The following TAFA1 variants were observed in gnomAD, a reference collection of about 807,000 sequenced individuals.
TAFA1 encodes the protein TAFA chemokine like family member 1, also known as chemokine-like protein TAFA-1.
Under a neutral mutation model 18.5 loss-of-function variants are expected in TAFA1, and 4 were observed. That is an observed-to-expected ratio of 0.22 (90% confidence interval 0.11 to 0.49). The LOEUF (loss-of-function observed/expected upper bound fraction) is 0.49. Among genes scored for constraint, TAFA1 ranks in the 20% least tolerant of loss-of-function variants. The probability of loss-of-function intolerance (pLI) is 0.98; values close to 1 mark genes in which losing one functional copy is unlikely to be tolerated. For missense variants in TAFA1, 147 were observed against 169.0 expected, an observed-to-expected ratio of 0.87 and a Z score of 0.72; for synonymous variants, 56 against 55.2, an observed-to-expected ratio of 1.01 and a Z score of -0.06.
intron 2 of TAFA1, among the ~76,000 whole-genome samples, chr3:68,415,533 G>A (rs982730589): frequency 2.0e-5 from 3 of 152,012 alleles, no homozygotes; most frequent in Non-Finnish European, 4.4e-5. Context: ...TATTCCAGAA[G>A]AAACCATATT....
At chr3:68,223,332 A>C (rs563036590) in intron 2 of TAFA1, among the ~76,000 whole-genome samples, 206 of 152,304 alleles carry the variant, frequency 1.4e-3, no homozygotes, top group South Asian at 3.1e-3. Flanking sequence ...ATAAATGAGC[A>C]CTTACTATGT....
chr3:68,392,619 C>T (rs559371246), intron 2 of TAFA1, among the ~76,000 whole-genome samples: 125 of 152,262 alleles, frequency 8.2e-4, no homozygotes, highest in African/African-American at 2.9e-3. Flanking sequence ...AAATAAAACA[C>T]TCCTCAGCAA....
intron 2 of TAFA1, among the ~76,000 whole-genome samples, chr3:68,275,941 T>C (rs1429157752): frequency 6.6e-6 from 1 of 152,164 alleles, no homozygotes; most frequent in Non-Finnish European, 1.5e-5. Flanking sequence ...GGTAAGTACC[T>C]GAGCATAGGG....
chr3:68,091,129 TA>T (rs1000685397), intron 2 of TAFA1, among the ~76,000 whole-genome samples: 1 of 152,134 alleles, frequency 6.6e-6, no homozygotes, highest in African/African-American at 2.4e-5. Context: ...ATTTACCCTA[TA>T]AAATGACAAT....
In TAFA1 at chr3:68,401,055, A is replaced by G. The variant is rs377751424; in HGVS notation, c.119-16225A>G. Among the ~76,000 whole-genome samples the G allele has an allele frequency of 2.2e-4, 33 of 152,336 alleles. No homozygotes were observed. In the Middle Eastern group the frequency reaches 0.01, roughly 47 times the overall value. On this transcript the variant is annotated intron_variant, in intron 2 of 4. Coordinates refer to ENST00000478136, the MANE Select transcript of TAFA1 (RefSeq NM_213609.4). Reference sequence around the variant, plus strand: ...GCTGGACACTTGGGATAAGCCGATCAGTGAAAGCAGGCGTGACCACCAACT... The same window carrying G: ...GCTGGACACTTGGGATAAGCCGATCGGTGAAAGCAGGCGTGACCACCAACT...
chr3:68,341,513 T>C (rs535940140), intron 2 of TAFA1, among the ~76,000 whole-genome samples: 2 of 152,188 alleles, frequency 1.3e-5, no homozygotes, highest in Non-Finnish European at 2.9e-5. Context: ...TCCTAAACCA[T>C]AATTTCTAAT....
chr3:68,169,245 C>T (rs554641131), intron 2 of TAFA1, among the ~76,000 whole-genome samples: 14 of 152,128 alleles, frequency 9.2e-5, no homozygotes, highest in African/African-American at 3.1e-4. Context: ...GGATCACTTG[C>T]TCTGGACGGT....
intron 2 of TAFA1, among the ~76,000 whole-genome samples, chr3:68,323,023 C>G (rs1352768266): frequency 6.6e-6 from 1 of 152,184 alleles, no homozygotes; most frequent in Admixed American, 6.5e-5. Context: ...AAAATCAGGA[C>G]CAGTTGTGGT....
chr3:68,538,812 G>C lies in TAFA1; in HGVS notation c.316G>C (p.Glu106Gln). The change falls in exon 4 of 5, where the codon GAA becomes CAA. Residue 106 changes from glutamate (E) to glutamine (Q), a missense_variant. Physicochemically the swap from Glu to Gln is conservative, Grantham distance 29. Transcript: ENST00000478136. ...GATGGAGCCTTGCCTAGAAGGAGAA[G>C]AATGTAAGACACTCCCTGACAATTC... ...CEMEPCLEGE[E>Q]CKTLPDNSGW... The C allele has an allele frequency of 6.2e-7, 1 of 1,613,652 alleles. No homozygotes were observed.
intron 1 of TAFA1, 86 bp from the exon 2 acceptor site, chr3:68,006,538 G>C: frequency 1.2e-6 from 1 of 841,804 alleles, no homozygotes; most frequent in Non-Finnish European, 2.1e-6. Context: ...CATGACGTCT[G>C]AGACCTCCCT....
chr3:68,022,973 T>G (rs1445779802), intron 2 of TAFA1, among the ~76,000 whole-genome samples: 3 of 149,752 alleles, frequency 2.0e-5, no homozygotes, highest in Admixed American at 2.0e-4. Context: ...CTTGTTTTTT[T>G]TTTTTTTTTT....
In TAFA1 at chr3:68,322,817, C is replaced by A. The variant is rs959007447; in HGVS notation, c.119-94463C>A. ...AATTAGCTGGGCATGGTGGTGCATG[C>A]CTGTAATCCCAGCTACTCAGGAGGC... On this transcript the variant is annotated intron_variant, in intron 2 of 4. Transcript: ENST00000478136. 8.5e-5 allele frequency among the ~76,000 whole-genome samples: 13 copies of A among 152,228 alleles called. No homozygotes were observed. In the East Asian group the frequency reaches 2.5e-3, roughly 29 times the overall value.
intron 1 of TAFA1, among the ~76,000 whole-genome samples, chr3:68,005,019 G>T (rs1369259285): frequency 6.6e-6 from 1 of 152,040 alleles, no homozygotes; most frequent in Non-Finnish European, 1.5e-5. Flanking sequence ...ATTAAGTTTT[G>T]GTTGTGGCAG....
chr3:68,086,814 C>G (rs1345570568), intron 2 of TAFA1, among the ~76,000 whole-genome samples: 1 of 152,138 alleles, frequency 6.6e-6, no homozygotes, highest in African/African-American at 2.4e-5. Context: ...ATTCTTTATG[C>G]TAACAGATAA....
At chr3:68,369,532 C>T (rs1440622966) in intron 2 of TAFA1, among the ~76,000 whole-genome samples, 1 of 152,182 alleles carries the variant, frequency 6.6e-6, no homozygotes, top group South Asian at 2.1e-4. Flanking sequence ...GTGCTATCAA[C>T]CCTGTCACCC....
At chr3:68,082,218 C>G (rs2064912768) in intron 2 of TAFA1, among the ~76,000 whole-genome samples, 1 of 152,174 alleles carries the variant, frequency 6.6e-6, no homozygotes, top group African/African-American at 2.4e-5. Flanking sequence ...CTGTCTGGCA[C>G]TCCCTAGTGA....
chr3:68,404,418 T>A (rs1168125882), intron 2 of TAFA1, among the ~76,000 whole-genome samples: 1 of 152,160 alleles, frequency 6.6e-6, no homozygotes. Flanking sequence ...TTTAACAGTT[T>A]ATTTAGGAGG....
intron 3 of TAFA1, among the ~76,000 whole-genome samples, chr3:68,501,588 T>G (rs2072660488): frequency 6.6e-6 from 1 of 152,130 alleles, no homozygotes; most frequent in African/African-American, 2.4e-5. Context: ...ACCATGAATA[T>G]CTAAACACTG....
intron 2 of TAFA1, among the ~76,000 whole-genome samples, chr3:68,155,193 C>T (rs571927610): frequency 5.3e-5 from 8 of 152,256 alleles, no homozygotes; most frequent in Non-Finnish European, 8.8e-5. Flanking sequence ...CAAGGACCCA[C>T]GTACAGCAGA....
Sources: allele counts gnomAD v4.1 joint callset (sites outside exome capture counted in the v4.1 genomes callset), GRCh38; gene constraint gnomAD v4.1.1; transcripts MANE v1.5; gene names NCBI Gene and HGNC (gene_info 2026-07-23, HGNC 2026-07-21).